The following BICC1 variants were observed in gnomAD, a reference collection of about 807,000 sequenced individuals.
The protein encoded by BICC1 is BicC family RNA binding protein 1.
In BICC1, 43 loss-of-function variants were observed where a neutral mutation model predicts 111.0. The observed-to-expected ratio is 0.39, with a 90% confidence interval of 0.30 to 0.50. The LOEUF is 0.50. Among genes scored for constraint, BICC1 ranks in the 20% least tolerant of loss-of-function variants. BICC1 has a pLI of 0.88. For synonymous variants in BICC1, 467 were observed against 434.4 expected, an observed-to-expected ratio of 1.07 and a Z score of -0.93; for missense variants, 1,091 against 1,203.2, an observed-to-expected ratio of 0.91 and a Z score of 1.38.
intron 3 of BICC1, among the ~76,000 whole-genome samples, chr10:58,743,938 G>A (rs1272263189): frequency 1.3e-5 from 2 of 152,002 alleles, no homozygotes; most frequent in Admixed American, 6.6e-5. Flanking sequence ...GATGGTTCCC[G>A]TGACAACACA....
chr10:58,591,861 T>C (rs1355439927), intron 1 of BICC1, among the ~76,000 whole-genome samples: 1 of 152,338 alleles, frequency 6.6e-6, no homozygotes, highest in Non-Finnish European at 1.5e-5. Flanking sequence ...TGAATTCTTG[T>C]ACCTATTTCT....
At chr10:58,598,139 G>T (rs1315752582) in intron 1 of BICC1, among the ~76,000 whole-genome samples, 1 of 151,804 alleles carries the variant, frequency 6.6e-6, no homozygotes, top group Non-Finnish European at 1.5e-5. Context: ...TCTATTCAGG[G>T]TCCCTGACTT....
intron 1 of BICC1, among the ~76,000 whole-genome samples, chr10:58,618,366 G>A (rs574617216): frequency 5.3e-5 from 8 of 152,232 alleles, no homozygotes; most frequent in East Asian, 1.9e-4. Flanking sequence ...ACCACGTCAC[G>A]TGAGGTGCAT....
intron 1 of BICC1, among the ~76,000 whole-genome samples, chr10:58,547,249 A>T (rs1359296145): frequency 6.6e-6 from 1 of 152,082 alleles, no homozygotes; most frequent in South Asian, 2.1e-4. Flanking sequence ...ATTCATTGTC[A>T]TGTCTCCCTT....
chr10:58,606,147 T>G (rs1249938172), intron 1 of BICC1, among the ~76,000 whole-genome samples: 2 of 152,190 alleles, frequency 1.3e-5, no homozygotes, highest in Non-Finnish European at 2.9e-5. Flanking sequence ...ACAGCTGTCA[T>G]CATGGAATTT....
intron 3 of BICC1, among the ~76,000 whole-genome samples, chr10:58,760,234 G>A (rs1842273122): frequency 6.6e-6 from 1 of 152,144 alleles, no homozygotes; most frequent in Admixed American, 6.5e-5. Context: ...TCCATCAAGT[G>A]TGTTAAATTA....
At chr10:58,774,353 A>G (rs1442607073) in intron 3 of BICC1, among the ~76,000 whole-genome samples, 3 of 152,214 alleles carry the variant, frequency 2.0e-5, no homozygotes, top group East Asian at 3.8e-4. Flanking sequence ...AAAGTTCTCA[A>G]TTTTTAAGGG....
chr10:58,677,154 A>T (rs1839371162), intron 2 of BICC1, among the ~76,000 whole-genome samples: 1 of 152,216 alleles, frequency 6.6e-6, no homozygotes, highest in Non-Finnish European at 1.5e-5. Flanking sequence ...CCTCCAAAGG[A>T]GCACAACTCC....
chr10:58,593,188 C>T (rs922634298), intron 1 of BICC1, among the ~76,000 whole-genome samples: 6 of 152,118 alleles, frequency 3.9e-5, no homozygotes, highest in East Asian at 1.9e-4. Context: ...GCCACACTGC[C>T]AGATTTCCTT....
chr10:58,525,776 C>T (rs1028239984), intron 1 of BICC1, among the ~76,000 whole-genome samples: 1 of 151,946 alleles, frequency 6.6e-6, no homozygotes, highest in Non-Finnish European at 1.5e-5. Flanking sequence ...AGTAATCTCA[C>T]CATCCTAACA....
chr10:58,516,572 G>A (rs1443993196), intron 1 of BICC1, among the ~76,000 whole-genome samples: 1 of 152,012 alleles, frequency 6.6e-6, no homozygotes, highest in African/African-American at 2.4e-5. Flanking sequence ...TGCTGTAAGT[G>A]AAGATTATCA....
intron 3 of BICC1, among the ~76,000 whole-genome samples, chr10:58,707,718 A>G (rs1840430404): frequency 6.6e-6 from 1 of 151,452 alleles, no homozygotes; most frequent in South Asian, 2.1e-4. Context: ...ATTATTTGAG[A>G]TGGAGTTTTG....
intron 1 of BICC1, among the ~76,000 whole-genome samples, chr10:58,584,720 C>T (rs1325363185): frequency 6.6e-6 from 1 of 151,212 alleles, no homozygotes; most frequent in African/African-American, 2.4e-5. Context: ...AGACATGGGA[C>T]TTTTAATGCT....
At chr10:58,648,136 A>G (rs374421313) in intron 2 of BICC1, among the ~76,000 whole-genome samples, 1 of 152,218 alleles carries the variant, frequency 6.6e-6, no homozygotes, top group East Asian at 1.9e-4. Flanking sequence ...CTTTTCTAGC[A>G]GGCCATTAGG....
intron 2 of BICC1, among the ~76,000 whole-genome samples, chr10:58,663,395 T>C (rs1838908381): frequency 6.6e-6 from 1 of 152,100 alleles, no homozygotes; most frequent in Admixed American, 6.6e-5. Flanking sequence ...TAACAGACAT[T>C]TTCTTCCTCC....
At chr10:58,599,204 T>C (rs1039585523) in intron 1 of BICC1, among the ~76,000 whole-genome samples, 12 of 152,180 alleles carry the variant, frequency 7.9e-5, no homozygotes, top group African/African-American at 2.9e-4. Context: ...TGCACACATA[T>C]GTTTATTGTG....
chr10:58,575,481 C>T (rs575953280), intron 1 of BICC1, among the ~76,000 whole-genome samples: 3 of 152,232 alleles, frequency 2.0e-5, no homozygotes, highest in South Asian at 2.1e-4. Context: ...ATGAAAGTTC[C>T]ACTAGTACTG....
chr10:58,717,134 C>A (rs777193945), intron 3 of BICC1, among the ~76,000 whole-genome samples: 2 of 152,142 alleles, frequency 1.3e-5, no homozygotes, highest in African/African-American at 4.8e-5. Context: ...TGGTACTTTT[C>A]GAACTTGATA....
intron 1 of BICC1, among the ~76,000 whole-genome samples, chr10:58,616,129 A>G (rs1389376258): frequency 1.3e-5 from 2 of 152,126 alleles, no homozygotes; most frequent in African/African-American, 4.8e-5. Context: ...CGGAAAAGGA[A>G]TTAGAGGCTG....
Sources: gnomAD v4.1 joint callset for allele counts (sites outside exome capture counted in the v4.1 genomes callset) on GRCh38, gnomAD v4.1.1 for gene constraint, MANE v1.5 for transcripts, NCBI Gene and HGNC (gene_info 2026-07-23, HGNC 2026-07-21) for gene names.